Variants in HADH observed in about 807,000 individuals in gnomAD.
The protein encoded by HADH is hydroxyacyl-coenzyme A dehydrogenase, mitochondrial.
In HADH, 24 loss-of-function variants were observed where a neutral mutation model predicts 32.2. The ratio of observed to expected loss-of-function variants is 0.75; its 90% CI spans 0.54 to 1.05. HADH has a LOEUF of 1.05. HADH is among the 50% of genes least tolerant of loss of function. The pLI, the probability that HADH is intolerant of heterozygous loss-of-function variation, is 0.00. For missense variants in HADH, 350 were observed against 397.1 expected, an observed-to-expected ratio of 0.88 and a Z score of 1.01; for synonymous variants, 139 against 152.5, an observed-to-expected ratio of 0.91 and a Z score of 0.65.
At chr4:108,012,461 A>G (rs537249221) in intron 2 of HADH, among the ~76,000 whole-genome samples, 1 of 152,342 alleles carries the variant, frequency 6.6e-6, no homozygotes, top group South Asian at 2.1e-4. Context: ...CAAAGGAGAC[A>G]GGGTCATTTA....
intron 1 of HADH, among the ~76,000 whole-genome samples, chr4:108,003,888 A>G (rs551563999): frequency 5.1e-4 from 78 of 151,556 alleles, no homozygotes; most frequent in African/African-American, 1.9e-3. Context: ...TTTGACTTGT[A>G]TTAACCCATT....
chr4:108,005,027 A>G (rs1735249395), intron 1 of HADH: 2 of 677,678 alleles, frequency 3.0e-6, no homozygotes, highest in African/African-American at 3.6e-5. Context: ...ACTGTAACTC[A>G]CCATATATAC....
chr4:108,016,615 T>G (rs1335454004), intron 3 of HADH, among the ~76,000 whole-genome samples: 3 of 152,350 alleles, frequency 2.0e-5, no homozygotes, highest in Admixed American at 6.5e-5. Context: ...TTGGTCGCTC[T>G]TGGTGACAGT....
At chr4:107,993,785 T>C (rs1734879990) in intron 1 of HADH, among the ~76,000 whole-genome samples, 1 of 152,228 alleles carries the variant, frequency 6.6e-6, no homozygotes, top group Non-Finnish European at 1.5e-5. Flanking sequence ...GTTAACTTGT[T>C]TCATGTGTTT....
In HADH at chr4:108,009,760, T is replaced by C. The variant is rs774004490; in HGVS notation, c.134T>C (p.Val45Ala). 2.5e-5 allele frequency: 41 copies of C among 1,613,626 alleles called. No individual in the cohort carries two copies. In the South Asian group the frequency reaches 4.3e-4, roughly 17 times the overall value. Residue 45 changes from valine to alanine, a missense_variant and splice_region_variant, in exon 2 of 8, where the codon GTT (valine) becomes GCT (alanine). Coordinates refer to ENST00000309522, the MANE Select transcript of HADH (RefSeq NM_005327.7). ...GAAATTGTTCTTTTGTTGCTCTAGG[T>C]TGCTGCAGCAACTGGTCACACAGTA... ...GGLMGAGIAQVAAATGHTVVL... is the reference protein window; with the variant it reads ...GGLMGAGIAQAAAATGHTVVL...
At chr4:108,028,947 C>T (rs886102270) in intron 6 of HADH, 5 of 398,520 alleles carry the variant, frequency 1.3e-5, no homozygotes, top group Middle Eastern at 6.2e-4. Context: ...CATCCCTGGC[C>T]GCCTGTGGGC....
intron 1 of HADH, among the ~76,000 whole-genome samples, chr4:107,991,155 C>CT (rs56039384): frequency 0.018 from 2,632 of 147,630 alleles, 31 homozygotes; most frequent in Non-Finnish European, 0.023. Flanking sequence ...AATGCTTGTA[C>CT]TTTTTTTTTT....
intron 2 of HADH, 123 bp from the exon 3 acceptor site, chr4:108,014,308 G>A: frequency 1.0e-6 from 1 of 1,000,398 alleles, no homozygotes; most frequent in Non-Finnish European, 1.6e-6. Flanking sequence ...TTTGAGAACA[G>A]ATAGGGTAGG....
intron 6 of HADH, chr4:108,032,432 T>C: frequency 9.2e-7 from 1 of 1,082,452 alleles, no homozygotes; most frequent in East Asian, 2.4e-5. Flanking sequence ...TACTCCTTAC[T>C]TGTAAAACCC....
At chr4:108,000,447 T>G (rs1225806620) in intron 1 of HADH, among the ~76,000 whole-genome samples, 1 of 152,240 alleles carries the variant, frequency 6.6e-6, no homozygotes, top group East Asian at 1.9e-4. Flanking sequence ...TCTTATGACA[T>G]GAAATAGTCT....
intron 2 of HADH, among the ~76,000 whole-genome samples, chr4:108,010,738 C>T (rs1735459282): frequency 6.6e-6 from 1 of 152,024 alleles, no homozygotes; most frequent in Admixed American, 6.6e-5. Flanking sequence ...CTCGCACATT[C>T]ATACTTCATG....
At chr4:107,992,183 C>CT (rs1161923265) in intron 1 of HADH, among the ~76,000 whole-genome samples, 2 of 152,116 alleles carry the variant, frequency 1.3e-5, no homozygotes, top group African/African-American at 2.4e-5. Context: ...CAGGGAGTGC[C>CT]TTTTGAAACT....
chr4:108,016,755 A>T (rs1011688871), intron 3 of HADH, among the ~76,000 whole-genome samples: 16 of 152,212 alleles, frequency 1.1e-4, no homozygotes, highest in Non-Finnish European at 1.8e-4. Flanking sequence ...CAGTTTCGTC[A>T]TCTGTAATGC....
rs562366570 is a variant in HADH, at chr4:107,998,793, T to C, written c.132+8729T>C. 4.3e-3 allele frequency among the ~76,000 whole-genome samples: 651 copies of C among 152,312 alleles called. 4 individuals are homozygous for C. Among genetic ancestry groups the C allele is most frequent in the Non-Finnish European group, 6.1e-3 (412 of 68,028 alleles). On this transcript the variant is annotated intron_variant, in intron 1 of 7. Coordinates refer to ENST00000309522, the MANE Select transcript of HADH (RefSeq NM_005327.7). ...AGATCAGAGGTTTTTAACATTATAC[T>C]GTGATGGACATTAGAGATTTCATGA...
chr4:108,027,637 A>T lies in HADH; in HGVS notation c.637-51A>T, dbSNP rs761340831. 3 of 1,101,468 alleles carry T rather than the reference A, an allele frequency of 2.7e-6. No homozygotes were observed. In the Admixed American group the frequency reaches 5.0e-5, roughly 19 times the overall value. 68.2% of individuals were successfully genotyped at this position (1,101,468 alleles called of 1,614,324 possible). A position where few individuals can be genotyped will look rare whatever the true frequency, so the allele number is the denominator to read the frequency against. On this transcript the variant is annotated intron_variant, in intron 5 of 7. Transcript: ENST00000309522. ...GCAATTTGGTGACTTCACAAAAGATACCATTTAATGAAAATTTACTAGTTT... is the reference window on the plus strand; with the variant it reads ...GCAATTTGGTGACTTCACAAAAGATTCCATTTAATGAAAATTTACTAGTTT...
intron 1 of HADH, among the ~76,000 whole-genome samples, chr4:108,000,068 C>T (rs1425726529): frequency 6.6e-6 from 1 of 152,192 alleles, no homozygotes; most frequent in African/African-American, 2.4e-5. Context: ...TGTTCCTAAG[C>T]ACCCTATATT....
intron 6 of HADH, chr4:108,029,191 T>C: frequency 3.3e-6 from 1 of 303,988 alleles, no homozygotes. Context: ...TGCTCCCTCC[T>C]CTCAGCCAAC....
At chr4:108,010,633 A>G (rs959984628) in intron 2 of HADH, among the ~76,000 whole-genome samples, 2 of 152,186 alleles carry the variant, frequency 1.3e-5, no homozygotes, top group African/African-American at 2.4e-5. Flanking sequence ...CCAAGGTGGT[A>G]TATCTAGATG....
chr4:108,011,773 G>A (rs183997907), intron 2 of HADH, among the ~76,000 whole-genome samples: 142 of 152,262 alleles, frequency 9.3e-4, no homozygotes, highest in Middle Eastern at 6.8e-3. Flanking sequence ...AGCAATGTAC[G>A]AAGGTTCCAA....
Sources: gnomAD v4.1 joint callset for allele counts (sites outside exome capture counted in the v4.1 genomes callset) on GRCh38, gnomAD v4.1.1 for gene constraint, MANE v1.5 for transcripts, NCBI Gene and HGNC (gene_info 2026-07-23, HGNC 2026-07-21) for gene names.